Variants in KNTC1 observed in about 807,000 individuals in gnomAD.
KNTC1 encodes the protein kinetochore associated 1.
In KNTC1, 253 loss-of-function variants were observed where a neutral mutation model predicts 314.4. The ratio of observed to expected loss-of-function variants is 0.80; its 90% CI spans 0.73 to 0.89. The LOEUF (loss-of-function observed/expected upper bound fraction) is 0.89. Among genes scored for constraint, KNTC1 ranks in the 40% least tolerant of loss-of-function variants. The probability of loss-of-function intolerance (pLI) is 0.00; values close to 1 mark genes in which losing one functional copy is unlikely to be tolerated. For missense variants in KNTC1, 2,475 were observed against 2,572.9 expected, an observed-to-expected ratio of 0.96 and a Z score of 0.82; for synonymous variants, 901 against 901.4, an observed-to-expected ratio of 1.00 and a Z score of 0.01.
chr12:122,582,833 G>A lies in KNTC1; in HGVS notation c.3111G>A (p.Glu1037=), dbSNP rs201046154. The change falls in exon 34 of 64, where the codon GAG becomes GAA. Residue 1037 remains glutamate, a synonymous_variant. Coordinates refer to ENST00000333479, the MANE Select transcript of KNTC1 (RefSeq NM_014708.6). The part of the protein sequence containing the change: ...QAKHKPGSTP[E]PIAAEVRSPS... ...AACACAAACCTGGGAGCACCCCAGA[G>A]CCCATAGCTGCTGAGGTGAGGAGCC... The A allele has an allele frequency of 3.7e-6, 6 of 1,611,968 alleles. No individual in the cohort carries two copies. Among genetic ancestry groups the A allele is most frequent in the African/African-American group, 2.7e-5 (2 of 75,006 alleles).
At position 122,618,464 on chromosome 12, in the gene KNTC1, T is replaced by G. The variant is rs1241990257; in HGVS notation, c.6086-18T>G. On this transcript the variant is annotated intron_variant, in intron 58 of 63. Transcript: ENST00000333479. ...TGAGTGTGTGTATATCATGGTTGTTTTTTTGTTTTGTTTTCAGCCTCTTGT... is the reference window on the plus strand; with the variant it reads ...TGAGTGTGTGTATATCATGGTTGTTGTTTTGTTTTGTTTTCAGCCTCTTGT... 1.2e-6 allele frequency: 2 copies of G among 1,611,918 alleles called. No individual in the cohort carries two copies. The highest frequency in any genetic ancestry group is 1.6e-4 in the Middle Eastern group (1 of 6,080).
At chr12:122,554,091 A>ATATG (rs1963411604) in intron 16 of KNTC1, among the ~76,000 whole-genome samples, 1 of 144,886 alleles carries the variant, frequency 6.9e-6, no homozygotes, top group Non-Finnish European at 1.5e-5. Context: ...ATATATATAT[A>ATATG]TATATATATT....
chr12:122,609,944 A>G (rs1480046312), intron 52 of KNTC1, among the ~76,000 whole-genome samples: 1 of 152,266 alleles, frequency 6.6e-6, no homozygotes, highest in Non-Finnish European at 1.5e-5. Context: ...TGCCTGGCAC[A>G]GGCATGGATA....
intron 20 of KNTC1, among the ~76,000 whole-genome samples, chr12:122,566,280 T>C (rs1166322864): frequency 1.2e-4 from 18 of 150,788 alleles, no homozygotes; most frequent in Admixed American, 1.2e-3. Context: ...AGAGTCTTGC[T>C]CTTGTCGCCC....
chr12:122,597,756 G>A lies in KNTC1; in HGVS notation c.4381G>A (p.Val1461Ile), dbSNP rs1395702459. The change falls in exon 44 of 64, where the codon GTT (valine) becomes ATT (isoleucine). Residue 1461 changes from valine to isoleucine, a missense_variant. Physicochemically the swap from Val to Ile is conservative, Grantham distance 29. Transcript: ENST00000333479. ...CACATTTCAGTTGGACTGCGATGCA[G>A]TTCTTCAGCTCTTCATTGAAACGCT... ...CSTFQLDCDA[V>I]LQLFIETLLH... The A allele has an allele frequency of 6.2e-7, 1 of 1,613,926 alleles. No homozygotes were observed. The highest frequency in any genetic ancestry group is 1.1e-5 in the South Asian group (1 of 91,082).
In KNTC1 at chr12:122,547,932, T is replaced by G; in HGVS notation, c.950T>G (p.Leu317Arg). ...SSVTWQGITN[L>R]KLIALTASAN... is the part of the protein sequence containing the mutation. ...TCTTTTAGGCAAGGAATTACAAATCTCAAATTAATAGCTCTGACAGCTTCA... is the reference window on the plus strand; with the variant it reads ...TCTTTTAGGCAAGGAATTACAAATCGCAAATTAATAGCTCTGACAGCTTCA... The change falls in exon 12 of 64, where the codon CTC (leucine) becomes CGC (arginine). Residue 317 changes from leucine (L) to arginine (R), a missense_variant. Physicochemically the swap from Leu to Arg is moderately radical, Grantham distance 102. Transcript: ENST00000333479. 6.5e-7 allele frequency: 1 copy of G among 1,549,032 alleles called. No individual in the cohort carries two copies. The highest frequency in any genetic ancestry group is 8.7e-7 in the Non-Finnish European group (1 of 1,151,702).
intron 16 of KNTC1, among the ~76,000 whole-genome samples, chr12:122,554,056 T>A (rs1341029702): frequency 8.3e-6 from 1 of 119,964 alleles, no homozygotes; most frequent in African/African-American, 3.7e-5. Flanking sequence ...ACATACAGAA[T>A]ACTTCCTTAA....
chr12:122,577,911 A>G (rs1965139491), intron 31 of KNTC1, 120 bp downstream of exon 31: 1 of 882,382 alleles, frequency 1.1e-6, no homozygotes, highest in African/African-American at 1.7e-5. Context: ...AGGGTGGCCT[A>G]GTGAAAAAAT....
At chr12:122,620,331 T>A in intron 59 of KNTC1, 148 bp from the exon 60 acceptor site, 1 of 614,364 alleles carries the variant, frequency 1.6e-6, no homozygotes, top group South Asian at 2.1e-5. Context: ...CTTGTGTTAC[T>A]CATTCCTAAG....
chr12:122,612,933 T>A, intron 53 of KNTC1, 179 bp from the exon 54 acceptor site: 1 of 569,090 alleles, frequency 1.8e-6, no homozygotes, highest in Non-Finnish European at 3.1e-6. Flanking sequence ...GGAATGCCCC[T>A]TCAGGGGTCC....
intron 57 of KNTC1, among the ~76,000 whole-genome samples, chr12:122,616,536 C>T (rs1013072510): frequency 3.3e-5 from 5 of 152,200 alleles, no homozygotes; most frequent in South Asian, 2.1e-4. Context: ...GCTGGGATTA[C>T]AGGTGTGAGC....
intron 48 of KNTC1, among the ~76,000 whole-genome samples, chr12:122,604,237 A>G (rs1872326305): frequency 1.6e-5 from 2 of 128,882 alleles, no homozygotes; most frequent in African/African-American, 6.1e-5. Flanking sequence ...CAGTGGCGTG[A>G]TCTTGGCTCA....
rs1872404488 is a variant in KNTC1, at chr12:122,604,865, A to G, written c.5176-12A>G. On this transcript the variant is annotated splice_polypyrimidine_tract_variant and intron_variant, in intron 49 of 63. Transcript: ENST00000333479. ...AAGTAAGATTTTCTTTTTGCTTGGA[A>G]TTGTTTAAAAGGACGAAAAACGTGA... 1.3e-6 allele frequency: 2 copies of G among 1,587,712 alleles called. No homozygotes were observed. The highest frequency in any genetic ancestry group is 1.7e-6 in the Non-Finnish European group (2 of 1,166,472).
intron 53 of KNTC1, 26 bp downstream of exon 53, chr12:122,610,926 C>T (rs1248733824): frequency 2.0e-6 from 3 of 1,503,322 alleles, no homozygotes; most frequent in East Asian, 2.3e-5. Context: ...TTAATCCAAA[C>T]TCTTCTGTGC....
intron 20 of KNTC1, among the ~76,000 whole-genome samples, chr12:122,566,286 C>T (rs1312207320): frequency 2.0e-5 from 3 of 150,600 alleles, no homozygotes; most frequent in Non-Finnish European, 1.5e-5. Context: ...TTGCTCTTGT[C>T]GCCCAGGCTC....
Position 122,557,615 on chromosome 12 carries a change from G to T in KNTC1, c.1414G>T (p.Val472Leu). 6.2e-7 allele frequency: 1 copy of T among 1,613,194 alleles called. No individual in the cohort carries two copies. The highest frequency in any genetic ancestry group is 1.1e-5 in the South Asian group (1 of 90,910). The change falls in exon 18 of 64, where the codon GTG becomes TTG. Residue 472 changes from valine to leucine, a missense_variant. By Grantham distance (32) the Val-to-Leu change is conservative. Transcript: ENST00000333479. ...TGTGAAACAGGATGATGAATTTGTG[G>T]TGAATTACTGCCTGAAAGCTCAGTG... is the stretch of plus-strand genomic sequence containing the variant. ...LHKIQDDEFV[V>L]NYCLKAQWIT...
chr12:122,542,246 T>A, intron 6 of KNTC1, 119 bp downstream of exon 6: 1 of 638,290 alleles, frequency 1.6e-6, no homozygotes, highest in Admixed American at 3.5e-5. Flanking sequence ...TGTATTTAGT[T>A]ATAATTGGGT....
chr12:122,552,818 G>C (rs1394256950), intron 16 of KNTC1, among the ~76,000 whole-genome samples: 1 of 152,100 alleles, frequency 6.6e-6, no homozygotes, highest in Non-Finnish European at 1.5e-5. Flanking sequence ...CCTGAACCAG[G>C]GCAATGAAGT....
intron 57 of KNTC1, chr12:122,617,399 A>C (rs1362537112): frequency 6.7e-6 from 3 of 449,444 alleles, no homozygotes; most frequent in Non-Finnish European, 1.3e-5. Flanking sequence ...TTTTCTTTAA[A>C]TGTATAGAGA....
Sources: allele counts gnomAD v4.1 joint callset (sites outside exome capture counted in the v4.1 genomes callset), GRCh38; gene constraint gnomAD v4.1.1; transcripts MANE v1.5; gene names NCBI Gene and HGNC (gene_info 2026-07-23, HGNC 2026-07-21).